Variants in RASGRF1 observed in about 807,000 individuals in gnomAD.
The protein encoded by RASGRF1 is ras-specific guanine nucleotide-releasing factor 1.
RASGRF1 carries 40 observed loss-of-function variants against 138.7 expected under a neutral mutation model. The ratio of observed to expected loss-of-function variants is 0.29; its 90% CI spans 0.22 to 0.38. The LOEUF (loss-of-function observed/expected upper bound fraction) is 0.38. Among genes scored for constraint, RASGRF1 ranks in the 10% least tolerant of loss-of-function variants. The pLI, the probability that RASGRF1 is intolerant of heterozygous loss-of-function variation, is 1.00. For synonymous variants in RASGRF1, 614 were observed against 663.2 expected (o/e 0.93, Z 1.14); for missense variants, 1,108 against 1,650.4 (o/e 0.67, Z 5.69).
intron 1 of RASGRF1, among the ~76,000 whole-genome samples, chr15:79,084,490 C>T (rs1001849746): frequency 3.9e-5 from 6 of 152,244 alleles, no homozygotes; most frequent in Middle Eastern, 3.2e-3. Context: ...ACGTCCCCTG[C>T]GGTGCACCTG....
At chr15:79,049,382 G>A in intron 4 of RASGRF1, 114 bp downstream of exon 4, 1 of 949,090 alleles carries the variant, frequency 1.1e-6, no homozygotes, top group Non-Finnish European at 1.6e-6. Flanking sequence ...TGAGGTTGGG[G>A]GATGGGGGGC....
intron 11 of RASGRF1, 67 bp downstream of exon 11, chr15:79,019,974 C>T (rs764331568): frequency 4.2e-5 from 67 of 1,586,792 alleles, no homozygotes; most frequent in Non-Finnish European, 5.2e-5. Flanking sequence ...CTGGCCCAAC[C>T]TTTAGGAGTG....
chr15:78,978,846 T>C, intron 24 of RASGRF1: 1 of 1,186,232 alleles, frequency 8.4e-7, no homozygotes, highest in Non-Finnish European at 1.1e-6. Flanking sequence ...CTGGTTTGCA[T>C]AAAGCTCTTA....
chr15:79,014,917 A>AAAAAAC (rs2056853839), intron 13 of RASGRF1, among the ~76,000 whole-genome samples: 1 of 70,960 alleles, frequency 1.4e-5, no homozygotes, highest in Non-Finnish European at 2.8e-5. Context: ...ACTTGGTCTC[A>AAAAAAC]AAAAAACAAA....
At chr15:78,972,687 C>T (rs2055789773) in intron 25 of RASGRF1, among the ~76,000 whole-genome samples, 1 of 152,054 alleles carries the variant, frequency 6.6e-6, no homozygotes, top group African/African-American at 2.4e-5. Flanking sequence ...AATGTCAAGG[C>T]CCATTATATA....
intron 22 of RASGRF1, among the ~76,000 whole-genome samples, chr15:78,988,604 G>A (rs1184806673): frequency 1.3e-5 from 2 of 152,240 alleles, no homozygotes; most frequent in African/African-American, 4.8e-5. Context: ...GATATGGTGT[G>A]CTGGCGGCTG....
intron 1 of RASGRF1, among the ~76,000 whole-genome samples, chr15:79,068,787 C>T (rs2057715730): frequency 6.6e-6 from 1 of 151,944 alleles, no homozygotes; most frequent in Non-Finnish European, 1.5e-5. Context: ...TGTTTCTGGC[C>T]CACCCCTCTT....
At chr15:78,972,157 G>A (rs988146960) in intron 25 of RASGRF1, among the ~76,000 whole-genome samples, 3 of 152,082 alleles carry the variant, frequency 2.0e-5, no homozygotes, top group Admixed American at 6.5e-5. Flanking sequence ...GTGCAGTGGC[G>A]TGATCTCGGC....
At chr15:78,982,570 G>A (rs368447123) in intron 23 of RASGRF1, among the ~76,000 whole-genome samples, 1 of 152,106 alleles carries the variant, frequency 6.6e-6, no homozygotes, top group Admixed American at 6.5e-5. Flanking sequence ...TTAGAGTGTG[G>A]ACACCAGCAG....
At chr15:79,053,767 A>G (rs909771159) in intron 3 of RASGRF1, among the ~76,000 whole-genome samples, 3 of 152,232 alleles carry the variant, frequency 2.0e-5, no homozygotes, top group Admixed American at 6.5e-5. Flanking sequence ...GGCTGGCTTC[A>G]TGGATGTGTG....
chr15:78,963,552 T>A (rs1402285225), intron 26 of RASGRF1, among the ~76,000 whole-genome samples: 1 of 152,170 alleles, frequency 6.6e-6, no homozygotes, highest in Non-Finnish European at 1.5e-5. Flanking sequence ...TCCACCTGCC[T>A]TGGCCTCCTG....
intron 1 of RASGRF1, among the ~76,000 whole-genome samples, chr15:79,083,803 C>A (rs963179122): frequency 2.6e-5 from 4 of 152,088 alleles, no homozygotes; most frequent in African/African-American, 9.7e-5. Flanking sequence ...AGAAAATGGG[C>A]AATTAGTGAT....
At chr15:78,967,573 T>A (rs1243496268) in intron 26 of RASGRF1, among the ~76,000 whole-genome samples, 2 of 151,392 alleles carry the variant, frequency 1.3e-5, no homozygotes, top group Non-Finnish European at 2.9e-5. Context: ...AATAAATAAA[T>A]AAAAATAAGT....
At chr15:78,991,900 C>G in intron 20 of RASGRF1, 106 bp from the exon 21 acceptor site, 264 of 688,978 alleles carry the variant, frequency 3.8e-4, no homozygotes, top group East Asian at 9.4e-4. Flanking sequence ...ATTGGGTGGG[C>G]GGGTGGACGG....
At chr15:79,031,985 G>A in intron 7 of RASGRF1, 138 bp downstream of exon 7, 2 of 1,065,588 alleles carry the variant, frequency 1.9e-6, no homozygotes, top group East Asian at 2.6e-5. Context: ...ATTGTCGGCT[G>A]CTGGCCCTGA....
At position 79,083,409 on chromosome 15, in the gene RASGRF1, G is replaced by A. The variant is rs371213221; in HGVS notation, c.276+6814C>T. ...TCTGTTCTTGGCTGCACGCACACGG[G>A]CACCGGCTCCATGCTCCCACAGATT... On this transcript the variant is annotated intron_variant, in intron 1 of 26. Coordinates refer to ENST00000558480, the MANE Select transcript of RASGRF1 (RefSeq NM_001145648.3). Among the ~76,000 whole-genome samples the A allele has an allele frequency of 1.1e-4, 17 of 152,312 alleles. 1 individual carries two copies. In the East Asian group the frequency reaches 2.9e-3, roughly 26 times the overall value.
chr15:79,004,080 G>T lies in RASGRF1; in HGVS notation c.2171C>A (p.Pro724Gln). Residue 724 changes from proline (P) to glutamine (Q), a missense_variant, in exon 15 of 27, where the codon CCG becomes CAG. Pro to Gln is a moderately conservative substitution (Grantham distance 76). Around this residue, in one of 3 missense-constraint regions of RASGRF1, gnomAD observed 686 missense variants for 976.7 expected, o/e 0.70. Coordinates refer to ENST00000558480, the MANE Select transcript of RASGRF1 (RefSeq NM_001145648.3). ...TGTCTTGGTGATGGACAGAGGTGGC[G>T]GCGAGGAGAACTTGCGGGTGGCGCG... ...SPRATRKFSS[P>Q]PPLSITKTSS... 6.2e-7 allele frequency: 1 copy of T among 1,614,078 alleles called. No individual in the cohort carries two copies. The highest frequency in any genetic ancestry group is 8.5e-7 in the Non-Finnish European group (1 of 1,180,024).
At chr15:79,059,157 T>TCCTTC (rs1281955155) in intron 2 of RASGRF1, among the ~76,000 whole-genome samples, 61 of 150,316 alleles carry the variant, frequency 4.1e-4, no homozygotes, top group African/African-American at 1.5e-3. Flanking sequence ...CCCTTCCCTA[T>TCCTTC]CCTTCCCTTC....
At chr15:79,017,719 G>C in intron 12 of RASGRF1, 51 bp downstream of exon 12, 1 of 1,551,700 alleles carries the variant, frequency 6.4e-7, no homozygotes, top group South Asian at 1.2e-5. Context: ...TCCCTGACCT[G>C]GTTAGGCATG....
Sources: allele counts gnomAD v4.1 joint callset (sites outside exome capture counted in the v4.1 genomes callset), GRCh38; gene constraint gnomAD v4.1.1; regional missense constraint gnomAD v4.1.1; transcripts MANE v1.5; gene names NCBI Gene and HGNC (gene_info 2026-07-23, HGNC 2026-07-21).